Variants in GRIN2C observed in about 807,000 individuals in gnomAD.
GRIN2C encodes the protein glutamate receptor ionotropic, NMDA 2C.
In GRIN2C, 64 loss-of-function variants were observed where a neutral mutation model predicts 77.7. The ratio of observed to expected loss-of-function variants is 0.82; its 90% CI spans 0.67 to 1.01. The LOEUF (loss-of-function observed/expected upper bound fraction) is 1.01. GRIN2C is among the 50% of genes least tolerant of loss of function. The pLI is 0.00. For synonymous variants in GRIN2C, 792 were observed against 643.4 expected (o/e 1.23, Z -3.49); for missense variants, 1,549 against 1,486.0 (o/e 1.04, Z -0.70).
rs2144543199 is a variant in GRIN2C at position 74,843,785 on chromosome 17, G to A, written c.2584-232C>T. 1.3e-5 allele frequency among the ~76,000 whole-genome samples: 2 copies of A among 152,192 alleles called. 1 individual carries two copies. The highest frequency in any genetic ancestry group is 7.0e-3 in the Middle Eastern group (2 of 284). ...CTCTAGCTAGCACCTGGCACATGAA[G>A]GTTCCAACCTGGGCACACCTGTGGG... On this transcript the variant is annotated intron_variant, in intron 12 of 12. Coordinates refer to ENST00000293190, the MANE Select transcript of GRIN2C (RefSeq NM_000835.6).
intron 4 of GRIN2C, chr17:74,851,051 C>T (rs2037627199): frequency 1.9e-6 from 1 of 514,290 alleles, no homozygotes; most frequent in South Asian, 2.5e-5. Context: ...ACTCAAGGCC[C>T]TTCATGCTCC....
At position 74,842,885 on chromosome 17, in the gene GRIN2C, G is replaced by A; in HGVS notation, c.3252C>T (p.Ser1084=). ...GSRPRHASLP[S]SVAEAFARPS... ...GCCGAGCGAAGGCCTCGGCCACGGA[G>A]CTGGGCAGGGAAGCGTGACGCGGGC... The change falls in exon 13 of 13, where the codon AGC becomes AGT. Residue 1084 remains serine (S), a synonymous_variant. Transcript: ENST00000293190. The A allele has an allele frequency of 1.7e-6, 1 of 574,396 alleles. No individual in the cohort carries two copies. The highest frequency in any genetic ancestry group is 3.0e-6 in the Non-Finnish European group (1 of 331,220). 35.6% of individuals were successfully genotyped at this position (574,396 alleles called of 1,614,324 possible).
chr17:74,852,651 G>T (rs2037700109), intron 2 of GRIN2C, 40 bp from the exon 3 acceptor site: 1 of 942,138 alleles, frequency 1.1e-6, no homozygotes. Flanking sequence ...GGAGGGCCGA[G>T]CCCCTCCTCC....
At position 74,850,114 on chromosome 17, in the gene GRIN2C, GC is replaced by G. The variant is rs1441293114; in HGVS notation, c.1491+91del. On this transcript the variant is annotated intron_variant, in intron 6 of 12. Transcript: ENST00000293190. The surrounding 1 kb of genome is among the most constrained non-coding windows in gnomAD (Gnocchi z 5.3). Reference sequence around the variant, plus strand: ...GGAGTCATCATTGGTGACAGCCCATGCCCCCCTCTAGAGGGCATCTGAGAGC... The same window carrying G: ...GGAGTCATCATTGGTGACAGCCCATGCCCCCTCTAGAGGGCATCTGAGAGC... 9 of 1,450,740 alleles carry G rather than the reference GC, an allele frequency of 6.2e-6. No homozygotes were observed. In the Admixed American group the frequency reaches 6.9e-5, roughly 11 times the overall value. The allele number at this position is 1,450,740 out of a possible 1,614,324, so 89.9% of individuals were successfully genotyped here.
intron 2 of GRIN2C, 91 bp downstream of exon 2, chr17:74,854,603 G>T: frequency 9.2e-7 from 1 of 1,081,408 alleles, no homozygotes; most frequent in Non-Finnish European, 1.4e-6. Flanking sequence ...TGCCCATCCC[G>T]TCTAATCCCA....
At chr17:74,851,727 G>T in intron 3 of GRIN2C, 36 bp from the exon 4 acceptor site, 1 of 1,323,718 alleles carries the variant, frequency 7.6e-7, no homozygotes, top group Non-Finnish European at 1.1e-6. Flanking sequence ...GCCCTGCCAA[G>T]GACCAGGCAC....
At chr17:74,858,470 T>TTA (rs2037875000) in intron 1 of GRIN2C, among the ~76,000 whole-genome samples, 1 of 151,872 alleles carries the variant, frequency 6.6e-6, no homozygotes, top group Non-Finnish European at 1.5e-5. Context: ...GTCCCTGGGC[T>TTA]CCAAATAGCA....
rs768702914 is a variant in GRIN2C, at chr17:74,852,431, G to A, written c.580C>T (p.Arg194Trp). The A allele has an allele frequency of 1.3e-6, 2 of 1,526,710 alleles. No homozygotes were observed. The highest frequency in any genetic ancestry group is 1.4e-5 in the African/African-American group (1 of 70,146). The allele number at this position is 1,526,710 out of a possible 1,614,324, so 94.6% of individuals were successfully genotyped here. ...AVADASHVSWRLLDVVTLELG... is the reference protein window; with the variant it reads ...AVADASHVSWWLLDVVTLELG... ...TCCAGCGTGACCACGTCCAGCAGCC[G>A]CCAACTCACGTGGCTGGCGTCGGCG... is the stretch of plus-strand genomic sequence containing the variant. The change falls in exon 3 of 13, where the codon CGG becomes TGG. Residue 194 changes from arginine (R) to tryptophan (W), a missense_variant. Around this residue, in one of 3 missense-constraint regions of GRIN2C, gnomAD observed 382 missense variants for 360.0 expected, o/e 1.06. Coordinates refer to ENST00000293190, the MANE Select transcript of GRIN2C (RefSeq NM_000835.6).
Position 74,852,331 on chromosome 17 carries a change from TA to T in GRIN2C, c.679del (p.Tyr227ThrfsTer110). 1 of 1,457,824 alleles carries T rather than the reference TA, an allele frequency of 6.9e-7. No homozygotes were observed. The highest frequency in any genetic ancestry group is 2.7e-5 in the Admixed American group (1 of 37,236). The allele number at this position is 1,457,824 out of a possible 1,614,324, so 90.3% of individuals were successfully genotyped here. A position where few individuals can be genotyped will look rare whatever the true frequency, so the allele number is the denominator to read the frequency against. On this transcript the variant is annotated frameshift_variant, in exon 3 of 13. Coordinates refer to ENST00000293190, the MANE Select transcript of GRIN2C (RefSeq NM_000835.6). LOFTEE classifies it high-confidence loss of function. ...CACCTCGGCCTCCTCGCGCGAGCAGTAGGCCACAAACACGGGCGCGTCGAGC... is the reference window on the plus strand; with the variant it reads ...CACCTCGGCCTCCTCGCGCGAGCAGTGGCCACAAACACGGGCGCGTCGAGC... ...RQLDAPVFVA[Y>X]CSREEAEVLF...
chr17:74,855,014 CGCCCTGCCCCGGACCCAGCCCT>C lies in GRIN2C; in HGVS notation c.57_78del (p.Gly20SerfsTer4). Reference sequence around the variant, plus strand: ...ACCACGGCCACCGTCATGCCCTGCTCGCCCTGCCCCGGACCCAGCCCTGCCCAGGCACCGAAGAGCGAGGTGA... The same window carrying C: ...ACCACGGCCACCGTCATGCCCTGCTCGCCCAGGCACCGAAGAGCGAGGTGA... On this transcript the variant is annotated frameshift_variant, in exon 2 of 13. Coordinates refer to ENST00000293190, the MANE Select transcript of GRIN2C (RefSeq NM_000835.6). LOFTEE classifies it high-confidence loss of function. The C allele has an allele frequency of 6.2e-7, 1 of 1,603,610 alleles. No individual in the cohort carries two copies. Among genetic ancestry groups the C allele is most frequent in the Non-Finnish European group, 8.5e-7 (1 of 1,179,522 alleles).
In GRIN2C at chr17:74,847,256, T is replaced by C. The variant is rs2037485617; in HGVS notation, c.2001+52A>G. The C allele has an allele frequency of 1.0e-6, 1 of 1,001,252 alleles. No homozygotes were observed. 62.0% of individuals were successfully genotyped at this position (1,001,252 alleles called of 1,614,324 possible). A position where few individuals can be genotyped will look rare whatever the true frequency, so the allele number is the denominator to read the frequency against. On this transcript the variant is annotated intron_variant, in intron 9 of 12. Transcript: ENST00000293190. This position sits in a 1 kb window ranked among gnomAD's most constrained non-coding sequence, Gnocchi z 5.2. ...GTCCAGGGCCTGCCCACTCACGGCC[T>C]GTCCCCACCCTCAGTGCCCCCCCCC... is the stretch of plus-strand genomic sequence containing the variant.
chr17:74,847,724 GC>G lies in GRIN2C; in HGVS notation c.1771+127del. 2 of 947,090 alleles carry G rather than the reference GC, an allele frequency of 2.1e-6. No individual in the cohort carries two copies. The highest frequency in any genetic ancestry group is 3.2e-6 in the Non-Finnish European group (2 of 617,018). The allele number at this position is 947,090 out of a possible 1,614,324, so 58.7% of individuals were successfully genotyped here. On this transcript the variant is annotated intron_variant, in intron 8 of 12. Transcript: ENST00000293190. This position sits in a 1 kb window ranked among gnomAD's most constrained non-coding sequence, Gnocchi z 5.2. ...TCTGTGTGTGTGTGTCATCTGACTG[GC>G]CCCCAGCATGTGCCATCCAAAAGCA...
intron 2 of GRIN2C, chr17:74,852,917 T>G: frequency 3.1e-6 from 1 of 324,758 alleles, no homozygotes. Context: ...TCGGAGTCGC[T>G]GGGTATGCCG....
Position 74,852,129 on chromosome 17 carries a change from G to A in GRIN2C, c.882C>T (p.Ala294=), listed in dbSNP as rs755520890. 3.4e-6 allele frequency: 5 copies of A among 1,459,806 alleles called. No individual in the cohort carries two copies. Among genetic ancestry groups the A allele is most frequent in the East Asian group, 5.3e-5 (2 of 37,472 alleles). The allele number at this position is 1,459,806 out of a possible 1,614,324, so 90.4% of individuals were successfully genotyped here. ...AGCTGTGGGCGCCCAGGGCCAGAAT[G>A]GCCACGCCGTCGCGCACCTTCTGGC... ...SLRQKVRDGV[A]ILALGAHSYW... Residue 294 remains alanine, a synonymous_variant, in exon 3 of 13, where the codon GCC becomes GCT. Coordinates refer to ENST00000293190, the MANE Select transcript of GRIN2C (RefSeq NM_000835.6).
chr17:74,847,961 T>C lies in GRIN2C; in HGVS notation c.1662A>G (p.Ala554=), dbSNP rs2144571856. 1 of 1,614,064 alleles carries C rather than the reference T, an allele frequency of 6.2e-7. No individual in the cohort carries two copies. The highest frequency in any genetic ancestry group is 1.7e-5 in the Admixed American group (1 of 60,022). ...ACATGACAAACATCATCACCCACAC[T>C]GCAGGGCTATATGGCTCTGGGGACA... ...PSAFLEPYSP[A]VWVMMFVMCL... Residue 554 remains alanine (A), a synonymous_variant, in exon 8 of 13, where the codon GCA becomes GCG. Coordinates refer to ENST00000293190, the MANE Select transcript of GRIN2C (RefSeq NM_000835.6). This position sits in a 1 kb window ranked among gnomAD's most constrained non-coding sequence, Gnocchi z 5.2.
In GRIN2C at chr17:74,852,282, G is replaced by C. The variant is rs1263122816; in HGVS notation, c.729C>G (p.Ala243=). Reference sequence around the variant, plus strand: ...ACACGTGGCCGGGCCCCACCAGACCGGCCTGCGCCGCCTCGGCGAAGAGCA... The same window carrying C: ...ACACGTGGCCGGGCCCCACCAGACCCGCCTGCGCCGCCTCGGCGAAGAGCA... The part of the protein sequence containing the change: ...AEVLFAEAAQ[A]GLVGPGHVWL... Residue 243 remains alanine, a synonymous_variant, in exon 3 of 13, where the codon GCC becomes GCG. Transcript: ENST00000293190. 1.4e-6 allele frequency: 2 copies of C among 1,419,154 alleles called. No homozygotes were observed. The highest frequency in any genetic ancestry group is 1.8e-6 in the Non-Finnish European group (2 of 1,093,662). The allele number at this position is 1,419,154 out of a possible 1,614,324, so 87.9% of individuals were successfully genotyped here.
chr17:74,850,053 GC>G lies in GRIN2C; in HGVS notation c.1492-121del. ...AGCTGAGTCAATCATTCCCTCTGGG[GC>G]CCTCAGAGCTCAGCTTTCAGTACTG... On this transcript the variant is annotated intron_variant, in intron 6 of 12. Transcript: ENST00000293190. This position sits in a 1 kb window ranked among gnomAD's most constrained non-coding sequence, Gnocchi z 5.3. The G allele has an allele frequency of 7.4e-7, 1 of 1,352,472 alleles. No individual in the cohort carries two copies. Among genetic ancestry groups the G allele is most frequent in the East Asian group, 2.3e-5 (1 of 43,532 alleles). 83.8% of individuals were successfully genotyped at this position (1,352,472 alleles called of 1,614,324 possible). A position where few individuals can be genotyped will look rare whatever the true frequency, so the allele number is the denominator to read the frequency against.
chr17:74,855,220 G>C, intron 1 of GRIN2C, 113 bp from the exon 2 acceptor site: 3 of 807,020 alleles, frequency 3.7e-6, no homozygotes, highest in Non-Finnish European at 5.6e-6. Context: ...GAGAAGAGGG[G>C]AAAACCTCCC....
rs1242577336 is a variant in GRIN2C, at chr17:74,846,825, C to T, written c.2097G>A (p.Met699Ile). ...GGTTGAACTTGACCATGTGGGTGTG[C>T]ATGTCACGGTAGTTACTGCGGATGT... ...ERNIRSNYRD[M>I]HTHMVKFNQR... Residue 699 changes from methionine (M) to isoleucine (I), a missense_variant, in exon 10 of 13, where the codon ATG (methionine) becomes ATA (isoleucine). Physicochemically the swap from Met to Ile is conservative, Grantham distance 10. Around this residue, in one of 3 missense-constraint regions of GRIN2C, gnomAD observed 717 missense variants for 858.1 expected, o/e 0.84. Coordinates refer to ENST00000293190, the MANE Select transcript of GRIN2C (RefSeq NM_000835.6). This position sits in a 1 kb window ranked among gnomAD's most constrained non-coding sequence, Gnocchi z 4.4. 5 of 1,614,182 alleles carry T rather than the reference C, an allele frequency of 3.1e-6. No individual in the cohort carries two copies. Among genetic ancestry groups the T allele is most frequent in the Non-Finnish European group, 4.2e-6 (5 of 1,180,030 alleles).
Sources: allele counts gnomAD v4.1 joint callset (sites outside exome capture counted in the v4.1 genomes callset), GRCh38; gene constraint gnomAD v4.1.1; regional missense constraint gnomAD v4.1.1; non-coding constraint Gnocchi (gnomAD v3.1); transcripts MANE v1.5; gene names NCBI Gene and HGNC (gene_info 2026-07-23, HGNC 2026-07-21).